DLG2: variants seen among roughly 807,000 people sequenced by gnomAD.
DLG2 encodes the protein discs large MAGUK scaffold protein 2, also known as disks large homolog 2.
Under a neutral mutation model 132.5 loss-of-function variants are expected in DLG2, and 45 were observed. That is an observed-to-expected ratio of 0.34 (90% CI 0.27 to 0.44). DLG2 has a LOEUF of 0.44. Among genes scored for constraint, DLG2 ranks in the 20% least tolerant of loss-of-function variants. DLG2 has a pLI of 1.00. For synonymous variants in DLG2, 424 were observed against 419.6 expected (o/e 1.01, Z -0.13); for missense variants, 1,045 against 1,196.9 (o/e 0.87, Z 1.87).
chr11:84,664,433 G>C (rs1238851008), intron 6 of DLG2, among the ~76,000 whole-genome samples: 1 of 152,134 alleles, frequency 6.6e-6, no homozygotes, highest in Non-Finnish European at 1.5e-5. Context: ...ATAATTAACA[G>C]AAGACTTTGA....
chr11:83,867,572 G>A (rs1204876839), intron 16 of DLG2, among the ~76,000 whole-genome samples: 1 of 152,012 alleles, frequency 6.6e-6, no homozygotes, highest in Non-Finnish European at 1.5e-5. Flanking sequence ...GTCTATACAA[G>A]TATTTACCTA....
chr11:85,138,958 G>A (rs1247948869), intron 5 of DLG2, among the ~76,000 whole-genome samples: 2 of 151,790 alleles, frequency 1.3e-5, no homozygotes, highest in Non-Finnish European at 2.9e-5. Context: ...TTCTTCCTCC[G>A]GGCCTTGAAT....
intron 6 of DLG2, among the ~76,000 whole-genome samples, chr11:84,609,411 T>G (rs924879631): frequency 6.6e-6 from 1 of 152,148 alleles, no homozygotes; most frequent in African/African-American, 2.4e-5. Flanking sequence ...AGATACTATC[T>G]TGTCTCAGAG....
chr11:83,711,309 G>C (rs771302232), intron 18 of DLG2, among the ~76,000 whole-genome samples: 1 of 152,200 alleles, frequency 6.6e-6, no homozygotes, highest in South Asian at 2.1e-4. Context: ...GCACTACACT[G>C]CTGAAGGTTA....
chr11:85,339,393 C>G (rs2082334509), intron 3 of DLG2, among the ~76,000 whole-genome samples: 1 of 152,146 alleles, frequency 6.6e-6, no homozygotes, highest in African/African-American at 2.4e-5. Flanking sequence ...GATTACTGGG[C>G]TGAAAGGTAA....
At chr11:84,510,210 A>G (rs1289421891) in intron 7 of DLG2, among the ~76,000 whole-genome samples, 1 of 151,760 alleles carries the variant, frequency 6.6e-6, no homozygotes, top group Non-Finnish European at 1.5e-5. Flanking sequence ...TAGTTATTAT[A>G]TTATCAAAAT....
chr11:84,001,011 TA>T (rs1176210689), intron 11 of DLG2, among the ~76,000 whole-genome samples: 4 of 151,346 alleles, frequency 2.6e-5, no homozygotes, highest in Non-Finnish European at 5.9e-5. Flanking sequence ...TGGAAAACAA[TA>T]AAAGAAAAAT....
intron 2 of DLG2, among the ~76,000 whole-genome samples, chr11:85,619,272 G>C (rs753886617): frequency 2.6e-5 from 4 of 152,020 alleles, no homozygotes; most frequent in African/African-American, 9.7e-5. Flanking sequence ...CAAACTCCTG[G>C]GCTCAGGCAA....
At chr11:84,629,179 T>G (rs2099627668) in intron 6 of DLG2, among the ~76,000 whole-genome samples, 1 of 152,212 alleles carries the variant, frequency 6.6e-6, no homozygotes, top group Admixed American at 6.5e-5. Flanking sequence ...TTACTTAGGA[T>G]TTTCTGAGCT....
Position 83,668,876 on chromosome 11 carries a change from T to TTTTC in DLG2, c.1826-35552_1826-35551insGAAA, listed in dbSNP as rs1419365100. 2.7e-5 allele frequency among the ~76,000 whole-genome samples: 4 copies of TTTTC among 148,980 alleles called. No homozygotes were observed. In the South Asian group the frequency reaches 8.4e-4, roughly 31 times the overall value. On this transcript the variant is annotated intron_variant, in intron 18 of 27. Transcript: ENST00000376104. ...ATATATATATATATATATTTTTTTT[T>TTTTC]TATGATAGACTATGAGCTTCTAAAG...
intron 18 of DLG2, among the ~76,000 whole-genome samples, chr11:83,639,276 G>A (rs964431269): frequency 3.9e-5 from 6 of 152,178 alleles, no homozygotes; most frequent in African/African-American, 1.4e-4. Flanking sequence ...TGCCAGATAA[G>A]AGGAAGCCAT....
intron 21 of DLG2, among the ~76,000 whole-genome samples, chr11:83,516,164 C>G (rs1467553057): frequency 6.6e-6 from 1 of 152,098 alleles, no homozygotes; most frequent in Non-Finnish European, 1.5e-5. Context: ...GAGTGTAAGT[C>G]TCTTTGTAGG....
At chr11:83,972,580 A>T (rs899952762) in intron 12 of DLG2, among the ~76,000 whole-genome samples, 2 of 152,098 alleles carry the variant, frequency 1.3e-5, no homozygotes, top group Admixed American at 6.6e-5. Flanking sequence ...ATTCATCTCT[A>T]TTCCCCTAGC....
intron 3 of DLG2, among the ~76,000 whole-genome samples, chr11:85,493,732 A>G (rs1325051309): frequency 9.7e-6 from 1 of 103,240 alleles, no homozygotes; most frequent in Non-Finnish European, 1.8e-5. Flanking sequence ...AGGAGAGAAG[A>G]GGGGAGGGGG....
intron 7 of DLG2, among the ~76,000 whole-genome samples, chr11:84,364,265 T>G (rs1252960017): frequency 6.6e-6 from 1 of 152,118 alleles, no homozygotes; most frequent in Non-Finnish European, 1.5e-5. Flanking sequence ...TTATCCTCTT[T>G]GAAGCAATTG....
intron 4 of DLG2, among the ~76,000 whole-genome samples, chr11:85,250,628 T>C (rs2076353098): frequency 6.6e-6 from 1 of 152,162 alleles, no homozygotes; most frequent in South Asian, 2.1e-4. Context: ...CATTTCTCTT[T>C]GAGGTTCTTG....
At chr11:84,988,131 G>A (rs553413822) in intron 6 of DLG2, among the ~76,000 whole-genome samples, 4 of 152,134 alleles carry the variant, frequency 2.6e-5, no homozygotes, top group South Asian at 2.1e-4. Flanking sequence ...GCCAAGAAAC[G>A]TAGGAAAAAA....
At chr11:85,155,569 A>G (rs1446544021) in intron 4 of DLG2, among the ~76,000 whole-genome samples, 1 of 152,102 alleles carries the variant, frequency 6.6e-6, no homozygotes, top group African/African-American at 2.4e-5. Flanking sequence ...CAACTGCATA[A>G]TAAGGATTCC....
intron 11 of DLG2, among the ~76,000 whole-genome samples, chr11:84,005,037 AAAC>A (rs2094517210): frequency 6.6e-6 from 1 of 151,684 alleles, no homozygotes; most frequent in African/African-American, 2.4e-5. Flanking sequence ...CCAAAACCAA[AAAC>A]AACAAAACAA....
Sources: gnomAD v4.1 joint callset for allele counts (sites outside exome capture counted in the v4.1 genomes callset) on GRCh38, gnomAD v4.1.1 for gene constraint, MANE v1.5 for transcripts, NCBI Gene and HGNC (gene_info 2026-07-23, HGNC 2026-07-21) for gene names.